AARS1: variants seen among roughly 807,000 people sequenced by gnomAD.
The protein encoded by AARS1 is alanyl-tRNA synthetase 1.
AARS1 carries 72 observed loss-of-function variants against 108.9 expected under a neutral mutation model. The observed-to-expected ratio is 0.66, with a 90% CI of 0.55 to 0.80. The LOEUF is 0.80. Ranked by LOEUF, AARS1 falls within the 30% of genes least tolerant of loss-of-function variation. The pLI is 0.00. For missense variants in AARS1, 1,193 were observed against 1,233.2 expected (o/e 0.97, Z 0.49); for synonymous variants, 489 against 465.7 (o/e 1.05, Z -0.64).
Position 70,254,052 on chromosome 16 carries a change from A to ACGAC in AARS1, c.2401-18_2401-15dup. The ACGAC allele has an allele frequency of 6.2e-7, 1 of 1,613,570 alleles. No homozygotes were observed. ...AGTGGCCAGGGCCTGGAACCAATAG[A>ACGAC]CGACCATCTCAATCTGGGCCACAAC... On this transcript the variant is annotated splice_polypyrimidine_tract_variant and intron_variant, in intron 17 of 20. Coordinates refer to ENST00000261772, the MANE Select transcript of AARS1 (RefSeq NM_001605.3).
intron 1 of AARS1, among the ~76,000 whole-genome samples, chr16:70,283,686 G>C (rs72790626): frequency 0.023 from 3,459 of 152,294 alleles, 58 homozygotes; most frequent in Non-Finnish European, 0.032. Flanking sequence ...GCTGTCAGCA[G>C]CAATAGTCCT....
At chr16:70,265,795 TCAGAAAATCCAGCAC>T in intron 9 of AARS1, 133 bp from the exon 10 acceptor site, 1 of 887,146 alleles carries the variant, frequency 1.1e-6, no homozygotes, top group Admixed American at 2.4e-5. Flanking sequence ...TGTGTGCCCA[TCAGAAAATCCAGCAC>T]ATCTTTTTCA....
At chr16:70,280,727 T>G (rs918040333) in intron 2 of AARS1, among the ~76,000 whole-genome samples, 13 of 152,222 alleles carry the variant, frequency 8.5e-5, no homozygotes, top group African/African-American at 3.1e-4. Flanking sequence ...GTCACAGACA[T>G]GCTGACAAAC....
rs1438672766 is a variant in AARS1 at position 70,271,660 on chromosome 16, C to A, written c.671+121G>T. ...ATAGGCCCATCCTTGTTCCAGAGAT[C>A]AGACAGGTAATCTGAGAAATAAAGA... On this transcript the variant is annotated intron_variant, in intron 5 of 20. Coordinates refer to ENST00000261772, the MANE Select transcript of AARS1 (RefSeq NM_001605.3). 2.0e-5 allele frequency: 20 copies of A among 1,011,854 alleles called. No individual in the cohort carries two copies. In the Admixed American group the frequency reaches 4.0e-4, roughly 20 times the overall value. The allele number at this position is 1,011,854 out of a possible 1,614,324, so 62.7% of individuals were successfully genotyped here. A position where few individuals can be genotyped will look rare whatever the true frequency, so the allele number is the denominator to read the frequency against.
rs756337884 is a variant in AARS1, at chr16:70,265,141, A to G, written c.1348-39T>C. ...AAACAAGCATAAGTTACCGTAAAGT[A>G]GGAGAAAAGGGACTCCAAAGGACTG... On this transcript the variant is annotated intron_variant, in intron 10 of 20. Coordinates refer to ENST00000261772, the MANE Select transcript of AARS1 (RefSeq NM_001605.3). The G allele has an allele frequency of 2.5e-6, 4 of 1,612,626 alleles. No homozygotes were observed. In the African/African-American group the frequency reaches 5.3e-5, roughly 22 times the overall value.
intron 14 of AARS1, 86 bp downstream of exon 14, chr16:70,258,892 CAA>C: frequency 7.0e-7 from 1 of 1,422,198 alleles, no homozygotes; most frequent in Non-Finnish European, 9.9e-7. Flanking sequence ...GAATCTGATA[CAA>C]CAGAGTGAGA....
In AARS1 at chr16:70,270,288, TC is replaced by T; in HGVS notation, c.723del (p.Met242TrpfsTer83). 1 of 1,614,190 alleles carries T rather than the reference TC, an allele frequency of 6.2e-7. No individual in the cohort carries two copies. The highest frequency in any genetic ancestry group is 1.1e-5 in the South Asian group (1 of 91,086). On this transcript the variant is annotated frameshift_variant, in exon 6 of 21. Coordinates refer to ENST00000261772, the MANE Select transcript of AARS1 (RefSeq NM_001605.3). LOFTEE classifies it high-confidence loss of function. ...ACAGATACCAGTCGTTCCAGGCCCA[TC>T]CCTGTGTCAATGCTTTTCTTGGGAA... ...KPLPKKSIDTGMGLERLVSVL... is the reference protein window; with the variant it reads ...KPLPKKSIDTXMGLERLVSVL...
At chr16:70,265,466 T>G in intron 10 of AARS1, 72 bp downstream of exon 10, 1 of 1,606,972 alleles carries the variant, frequency 6.2e-7, no homozygotes, top group Non-Finnish European at 8.5e-7. Context: ...AGGAAACTCA[T>G]GCTCAGTCTG....
At chr16:70,273,636 G>A (rs1960463881) in intron 4 of AARS1, among the ~76,000 whole-genome samples, 1 of 152,006 alleles carries the variant, frequency 6.6e-6, no homozygotes. Context: ...GCCAAGGCAG[G>A]CCGATCATGA....
In AARS1 at chr16:70,282,685, G is replaced by C; in HGVS notation, c.79C>G (p.His27Asp). The change falls in exon 2 of 21, where the codon CAC (histidine) becomes GAC (aspartate). Residue 27 changes from histidine to aspartate, a missense_variant. His to Asp is a moderately conservative substitution (Grantham distance 81). Transcript: ENST00000261772. Reference protein sequence around the residue: ...FFKRNEHTYVHSSATIPLDDP... With the variant: ...FFKRNEHTYVDSSATIPLDDP... ...TCCAATGGGATGGTGGCAGACGAGT[G>C]AACATACGTATGCTCGTTCCTCTTG... The C allele has an allele frequency of 6.2e-7, 1 of 1,614,128 alleles. No individual in the cohort carries two copies. The highest frequency in any genetic ancestry group is 8.5e-7 in the Non-Finnish European group (1 of 1,180,006).
chr16:70,270,563 G>T lies in AARS1; in HGVS notation c.672-223C>A, dbSNP rs529497246. ...TCATTTAAGAGTGAGGAAAGGCCAG[G>T]CGCAGTGGCTCATGCCTGTAATCCC... On this transcript the variant is annotated intron_variant, in intron 5 of 20. Transcript: ENST00000261772. Among the ~76,000 whole-genome samples, 118 of 152,204 alleles carry T rather than the reference G, an allele frequency of 7.8e-4. 2 individuals are homozygous for T. In the South Asian group the frequency reaches 0.024, roughly 31 times the overall value.
At chr16:70,282,990 C>T (rs1334495186) in intron 1 of AARS1, among the ~76,000 whole-genome samples, 1 of 152,170 alleles carries the variant, frequency 6.6e-6, no homozygotes, top group African/African-American at 2.4e-5. Flanking sequence ...CCCATGCCAA[C>T]CTCAAGAGGT....
intron 11 of AARS1, among the ~76,000 whole-genome samples, chr16:70,264,182 G>A (rs1387018446): frequency 6.6e-6 from 1 of 150,538 alleles, no homozygotes; most frequent in Non-Finnish European, 1.5e-5. Flanking sequence ...GGAGGTGGAG[G>A]TTGCAGTGAG....
intron 15 of AARS1, 48 bp downstream of exon 15, chr16:70,257,985 A>C (rs1170389439): frequency 6.2e-7 from 1 of 1,604,312 alleles, no homozygotes; most frequent in African/African-American, 1.3e-5. Flanking sequence ...ACATCCTCAG[A>C]GGATGAAGGT....
intron 2 of AARS1, among the ~76,000 whole-genome samples, chr16:70,278,573 A>C (rs1486455978): frequency 1.8e-4 from 28 of 152,102 alleles, no homozygotes; most frequent in Admixed American, 1.8e-3. Context: ...TCCAAAAAAA[A>C]AAAAAAGCAA....
chr16:70,283,385 G>T (rs1300590716), intron 1 of AARS1, among the ~76,000 whole-genome samples: 1 of 150,012 alleles, frequency 6.7e-6, no homozygotes, highest in African/African-American at 2.5e-5. Flanking sequence ...GACAGAGAGA[G>T]ACTCCGTCTC....
At chr16:70,278,648 A>C (rs1220294392) in intron 2 of AARS1, among the ~76,000 whole-genome samples, 3 of 152,068 alleles carry the variant, frequency 2.0e-5, no homozygotes, top group Non-Finnish European at 4.4e-5. Context: ...CACACGACTG[A>C]CGGCTGCCAT....
chr16:70,262,961 C>T (rs947004625), intron 11 of AARS1, among the ~76,000 whole-genome samples: 7 of 28,352 alleles, frequency 2.5e-4, no homozygotes, highest in South Asian at 2.2e-3. Flanking sequence ...AAGCAAGACT[C>T]GGTCTCAAAA....
chr16:70,275,694 C>T (rs1053487364), intron 4 of AARS1, among the ~76,000 whole-genome samples: 21 of 151,588 alleles, frequency 1.4e-4, no homozygotes, highest in East Asian at 1.2e-3. Context: ...ACCTGGGAGG[C>T]GGAGCTTGCA....
Sources: allele counts gnomAD v4.1 joint callset (sites outside exome capture counted in the v4.1 genomes callset), GRCh38; gene constraint gnomAD v4.1.1; transcripts MANE v1.5; gene names NCBI Gene and HGNC (gene_info 2026-07-23, HGNC 2026-07-21).